The following MND1 variants were observed in gnomAD, a reference collection of about 807,000 sequenced individuals.
MND1 encodes meiotic nuclear divisions 1.
Under a neutral mutation model 35.1 loss-of-function variants are expected in MND1, and 28 were observed. That is an observed-to-expected ratio of 0.80 (90% CI 0.59 to 1.09). MND1 has a LOEUF of 1.09. Among genes scored for constraint, MND1 ranks in the 50% least tolerant of loss-of-function variants. The pLI, the probability that MND1 is intolerant of heterozygous loss-of-function variation, is 0.00. For synonymous variants in MND1, 69 were observed against 70.5 expected (o/e 0.98, Z 0.11); for missense variants, 213 against 239.6 (o/e 0.89, Z 0.73).
intron 4 of MND1, among the ~76,000 whole-genome samples, chr4:153,382,169 A>G (rs1194349092): frequency 6.6e-6 from 1 of 152,118 alleles, no homozygotes; most frequent in Non-Finnish European, 1.5e-5. Context: ...GTTCCTCAGT[A>G]TTTATATTTA....
intron 4 of MND1, among the ~76,000 whole-genome samples, chr4:153,389,615 C>T (rs1483349583): frequency 6.6e-6 from 1 of 152,174 alleles, no homozygotes; most frequent in Non-Finnish European, 1.5e-5. Flanking sequence ...CCTGCCTTGG[C>T]CTCTCAAAGT....
At chr4:153,410,286 T>A (rs1342155832) in intron 7 of MND1, among the ~76,000 whole-genome samples, 1 of 130,216 alleles carries the variant, frequency 7.7e-6, no homozygotes, top group Non-Finnish European at 1.6e-5. Context: ...TGGAATGGCT[T>A]TTTTTTTTTC....
At chr4:153,410,097 C>T (rs920407644) in intron 7 of MND1, among the ~76,000 whole-genome samples, 1 of 152,198 alleles carries the variant, frequency 6.6e-6, no homozygotes, top group African/African-American at 2.4e-5. Context: ...CTCATCTGTT[C>T]AATGTGGATA....
intron 4 of MND1, among the ~76,000 whole-genome samples, chr4:153,388,229 C>T (rs1219978039): frequency 6.6e-6 from 1 of 152,170 alleles, no homozygotes; most frequent in Non-Finnish European, 1.5e-5. Context: ...GTGGCTCATG[C>T]CTGTAATTCC....
chr4:153,366,986 A>T (rs1357148687), intron 4 of MND1, among the ~76,000 whole-genome samples: 3 of 152,162 alleles, frequency 2.0e-5, no homozygotes, highest in Admixed American at 2.0e-4. Context: ...TTCTCAAAAC[A>T]GGTAGCCTGT....
intron 6 of MND1, among the ~76,000 whole-genome samples, chr4:153,407,583 A>G (rs946642744): frequency 3.9e-5 from 6 of 152,234 alleles, no homozygotes; most frequent in Non-Finnish European, 7.3e-5. Flanking sequence ...GCCAAAATAT[A>G]TACCCAAGAT....
At chr4:153,407,343 A>G (rs1007755200) in intron 6 of MND1, among the ~76,000 whole-genome samples, 4 of 152,140 alleles carry the variant, frequency 2.6e-5, no homozygotes, top group African/African-American at 7.2e-5. Flanking sequence ...CATGCCTGTA[A>G]TCCCAGCAAC....
Position 153,388,681 on chromosome 4 carries a change from C to T in MND1, c.277-5581C>T, listed in dbSNP as rs189143791. Among the ~76,000 whole-genome samples the T allele has an allele frequency of 4.5e-3, 689 of 152,282 alleles. 3 individuals carry two copies. The highest frequency in any genetic ancestry group is 0.016 in the African/African-American group (647 of 41,546). On this transcript the variant is annotated intron_variant, in intron 4 of 7. Coordinates refer to ENST00000240488, the MANE Select transcript of MND1 (RefSeq NM_032117.4). ...AGCCACTTTGCCAACTGGAGACCTC[C>T]ACAGCCAGCAGCACCCCACTAGCCC... is the stretch of plus-strand genomic sequence containing the variant.
intron 2 of MND1, among the ~76,000 whole-genome samples, chr4:153,351,639 T>G (rs149305695): frequency 8.5e-5 from 13 of 152,314 alleles, no homozygotes; most frequent in Middle Eastern, 3.4e-3. Flanking sequence ...TGGTGCAAAG[T>G]GAAAAGCATG....
At chr4:153,394,430 C>A in intron 5 of MND1, 94 bp downstream of exon 5, 1 of 976,316 alleles carries the variant, frequency 1.0e-6, no homozygotes, top group Non-Finnish European at 1.5e-6. Context: ...GCATTTCTAC[C>A]AGAAGAGAAG....
chr4:153,365,153 G>A (rs1324395316), intron 4 of MND1, among the ~76,000 whole-genome samples: 2 of 151,886 alleles, frequency 1.3e-5, no homozygotes, highest in Non-Finnish European at 2.9e-5. Flanking sequence ...TGGAAGGTAT[G>A]TGTCATTGGC....
chr4:153,395,257 A>G (rs1320765691), intron 5 of MND1, among the ~76,000 whole-genome samples: 2 of 152,220 alleles, frequency 1.3e-5, no homozygotes, highest in Non-Finnish European at 2.9e-5. Flanking sequence ...AGCAACTACT[A>G]CTTCTTTATT....
chr4:153,378,196 C>G (rs1031820939), intron 4 of MND1, among the ~76,000 whole-genome samples: 19 of 152,200 alleles, frequency 1.2e-4, no homozygotes, highest in African/African-American at 3.1e-4. Context: ...CTGGCCCATA[C>G]CTTTTCTTTG....
chr4:153,409,926 G>A (rs183764225), intron 7 of MND1, among the ~76,000 whole-genome samples: 2 of 152,198 alleles, frequency 1.3e-5, no homozygotes, highest in East Asian at 1.9e-4. Flanking sequence ...AATAAGATAC[G>A]AATCCAAGGT....
chr4:153,392,840 C>G (rs1729084185), intron 4 of MND1, among the ~76,000 whole-genome samples: 1 of 152,178 alleles, frequency 6.6e-6, no homozygotes, highest in Non-Finnish European at 1.5e-5. Context: ...ATAAAACAGG[C>G]TGAGTACCAG....
rs555314782 is a variant in MND1, at chr4:153,354,000, G to A, written c.70-1654G>A. On this transcript the variant is annotated intron_variant, in intron 2 of 7. Coordinates refer to ENST00000240488, the MANE Select transcript of MND1 (RefSeq NM_032117.4). Reference sequence around the variant, plus strand: ...CTCCCAAAGTGCTGGGATTACAGGCGTGAGCCACCATGTCCAGCCACAGTA... The same window carrying A: ...CTCCCAAAGTGCTGGGATTACAGGCATGAGCCACCATGTCCAGCCACAGTA... Among the ~76,000 whole-genome samples the A allele has an allele frequency of 7.0e-4, 107 of 152,298 alleles. No individual in the cohort carries two copies. The South Asian group carries it at 0.021, about 30-fold the overall frequency.
intron 7 of MND1, among the ~76,000 whole-genome samples, chr4:153,411,512 A>G (rs1729683871): frequency 2.0e-5 from 3 of 152,224 alleles, no homozygotes; most frequent in Non-Finnish European, 4.4e-5. Flanking sequence ...ATGTTTAATC[A>G]GAGTCTTCTT....
chr4:153,410,516 A>G (rs747156631), intron 7 of MND1, among the ~76,000 whole-genome samples: 2 of 152,210 alleles, frequency 1.3e-5, no homozygotes, highest in Non-Finnish European at 2.9e-5. Context: ...GAAAACAGTA[A>G]TAAGAATTAT....
At chr4:153,344,683 C>T, upstream of MND1, 1 of 1,526,630 alleles carries the variant, frequency 6.6e-7, no homozygotes, top group South Asian at 1.2e-5. Flanking sequence ...CCTGGCCTGT[C>T]CCGCCCCTCT....
Sources: gnomAD v4.1 joint callset for allele counts (sites outside exome capture counted in the v4.1 genomes callset) on GRCh38, gnomAD v4.1.1 for gene constraint, MANE v1.5 for transcripts, NCBI Gene and HGNC (gene_info 2026-07-23, HGNC 2026-07-21) for gene names.